Variants in GRAMD2B observed in about 807,000 individuals in gnomAD.
GRAMD2B encodes GRAM domain-containing protein 2B.
GRAMD2B carries 41 observed loss-of-function variants against 59.2 expected under a neutral mutation model. That is an observed-to-expected ratio of 0.69 (90% confidence interval 0.54 to 0.90). GRAMD2B has a LOEUF of 0.90. Among genes scored for constraint, GRAMD2B ranks in the 40% least tolerant of loss-of-function variants. The probability of loss-of-function intolerance (pLI) is 0.00; values close to 1 mark genes in which losing one functional copy is unlikely to be tolerated. For missense variants in GRAMD2B, 424 were observed against 500.5 expected (o/e 0.85, Z 1.46); for synonymous variants, 161 against 182.7 (o/e 0.88, Z 0.96).
chr5:126,488,844 G>A lies in GRAMD2B; in HGVS notation c.1209G>A (p.Val403=), dbSNP rs202089660. The change falls in exon 13 of 14, where the codon GTG becomes GTA. Residue 403 remains valine (V), a synonymous_variant. Transcript: ENST00000285689. Reference sequence around the variant, plus strand: ...TGAGGTCACAAGTACAATTCAATGTGGAGGTTCTCTGTCAAGAGCTTACAG... The same window carrying A: ...TGAGGTCACAAGTACAATTCAATGTAGAGGTTCTCTGTCAAGAGCTTACAG... The part of the protein sequence containing the change: ...SGLRSQVQFN[V]EVLCQELTAN... 1 of 1,613,804 alleles carries A rather than the reference G, an allele frequency of 6.2e-7. No individual in the cohort carries two copies. Among genetic ancestry groups the A allele is most frequent in the Non-Finnish European group, 8.5e-7 (1 of 1,179,800 alleles).
intron 1 of GRAMD2B, among the ~76,000 whole-genome samples, chr5:126,374,903 G>A (rs1048262280): frequency 1.3e-5 from 2 of 152,142 alleles, no homozygotes; most frequent in African/African-American, 4.8e-5. Context: ...GTTTCATTAC[G>A]TTGACCCTTT....
chr5:126,477,027 A>G (rs1770757065), intron 5 of GRAMD2B, among the ~76,000 whole-genome samples: 2 of 152,240 alleles, frequency 1.3e-5, no homozygotes, highest in Admixed American at 6.5e-5. Context: ...GCTTGGGACC[A>G]GAAGTGTTTT....
intron 1 of GRAMD2B, among the ~76,000 whole-genome samples, chr5:126,429,732 C>T (rs1761255048): frequency 6.6e-6 from 1 of 152,120 alleles, no homozygotes; most frequent in Admixed American, 6.5e-5. Flanking sequence ...CTTACAGTAG[C>T]CTGCAACAAT....
At chr5:126,381,761 T>C (rs544090281) in intron 1 of GRAMD2B, among the ~76,000 whole-genome samples, 2 of 152,292 alleles carry the variant, frequency 1.3e-5, no homozygotes, top group Admixed American at 1.3e-4. Flanking sequence ...TTGGGGTTTT[T>C]TTTCATTGTG....
intron 1 of GRAMD2B, among the ~76,000 whole-genome samples, chr5:126,383,651 G>C (rs1294988469): frequency 3.3e-5 from 5 of 152,118 alleles, no homozygotes; most frequent in Non-Finnish European, 5.9e-5. Context: ...GCAAAACTAT[G>C]CGAACAAATT....
At chr5:126,422,560 G>A (rs1759855067), upstream of GRAMD2B, among the ~76,000 whole-genome samples, 1 of 152,116 alleles carries the variant, frequency 6.6e-6, no homozygotes, top group Admixed American at 6.5e-5. Context: ...TTTATGTGTG[G>A]CCCAAGACAG....
intron 1 of GRAMD2B, among the ~76,000 whole-genome samples, chr5:126,435,050 T>C (rs1762188592): frequency 6.6e-6 from 1 of 152,202 alleles, no homozygotes; most frequent in Non-Finnish European, 1.5e-5. Context: ...TTTTATGTGC[T>C]ATATCTTCGC....
chr5:126,449,361 T>C (rs561918528), intron 1 of GRAMD2B, among the ~76,000 whole-genome samples: 1 of 152,336 alleles, frequency 6.6e-6, no homozygotes, highest in African/African-American at 2.4e-5. Flanking sequence ...TATTTTTACA[T>C]AATAACAATA....
intron 1 of GRAMD2B, among the ~76,000 whole-genome samples, chr5:126,361,489 TA>T (rs11300255): frequency 0.43 from 60,066 of 140,634 alleles, 12,950 homozygotes; most frequent in African/African-American, 0.55. Flanking sequence ...TCCGAAATGG[TA>T]AAAAAAAAAA....
At chr5:126,412,658 T>G (rs769064160) in intron 1 of GRAMD2B, among the ~76,000 whole-genome samples, 4 of 152,132 alleles carry the variant, frequency 2.6e-5, no homozygotes, top group Non-Finnish European at 5.9e-5. Context: ...TCTCCTCAAT[T>G]TTTTGGAATA....
At chr5:126,409,437 A>C (rs1393145764) in intron 1 of GRAMD2B, among the ~76,000 whole-genome samples, 5 of 152,192 alleles carry the variant, frequency 3.3e-5, no homozygotes, top group Admixed American at 6.5e-5. Flanking sequence ...TCTGATGGCC[A>C]GTGATGGTGA....
intron 1 of GRAMD2B, among the ~76,000 whole-genome samples, chr5:126,396,248 G>T (rs28872483): frequency 9.9e-5 from 15 of 151,974 alleles, no homozygotes; most frequent in Non-Finnish European, 1.9e-4. Context: ...TGACATGGGG[G>T]TTTGTTGTAC....
chr5:126,453,320 G>A (rs1765697208), intron 1 of GRAMD2B, among the ~76,000 whole-genome samples: 1 of 137,494 alleles, frequency 7.3e-6, no homozygotes, highest in Non-Finnish European at 1.5e-5. Context: ...GGGCAACAGA[G>A]CAAGACTCCA....
chr5:126,434,060 T>C (rs1213388973), intron 1 of GRAMD2B: 3 of 152,210 alleles, frequency 2.0e-5, no homozygotes, highest in Non-Finnish European at 4.4e-5. Context: ...TAAACCACTC[T>C]GGATTAGATC....
At chr5:126,395,963 T>C (rs1426008982) in intron 1 of GRAMD2B, among the ~76,000 whole-genome samples, 1 of 152,212 alleles carries the variant, frequency 6.6e-6, no homozygotes, top group Non-Finnish European at 1.5e-5. Context: ...GGGTGTGTGA[T>C]AAGAACACTT....
intron 1 of GRAMD2B, among the ~76,000 whole-genome samples, chr5:126,405,704 T>C (rs1293168882): frequency 6.6e-6 from 1 of 151,454 alleles, no homozygotes; most frequent in Non-Finnish European, 1.5e-5. Context: ...TTTTTTTCAA[T>C]CTAGAAATTT....
At chr5:126,424,563 C>A (rs116162573) in intron 1 of GRAMD2B, among the ~76,000 whole-genome samples, 252 of 152,330 alleles carry the variant, frequency 1.7e-3, no homozygotes, top group Admixed American at 3.0e-3. Flanking sequence ...TTTTGAACTT[C>A]ATAACTTACA....
In GRAMD2B at chr5:126,477,812, A is replaced by G. The variant is rs1239944155; in HGVS notation, c.582+25A>G. 4.9e-6 allele frequency: 7 copies of G among 1,434,906 alleles called. No individual in the cohort carries two copies. The South Asian group carries it at 5.7e-5, about 12-fold the overall frequency. 88.9% of individuals were successfully genotyped at this position (1,434,906 alleles called of 1,614,324 possible). A position where few individuals can be genotyped will look rare whatever the true frequency, so the allele number is the denominator to read the frequency against. On this transcript the variant is annotated intron_variant, in intron 6 of 13. Coordinates refer to ENST00000285689, the MANE Select transcript of GRAMD2B (RefSeq NM_023927.4). ...GGTGAGTATGCAGCCGAGCGAGGGC[A>G]TCTTTGCTTTGTCCTCCTGCTCTGG...
At chr5:126,362,924 G>A (rs1199020812) in intron 1 of GRAMD2B, among the ~76,000 whole-genome samples, 2 of 152,074 alleles carry the variant, frequency 1.3e-5, no homozygotes, top group Non-Finnish European at 2.9e-5. Flanking sequence ...TATTTCTTAG[G>A]CCCAACACCA....
Sources: allele counts gnomAD v4.1 joint callset (sites outside exome capture counted in the v4.1 genomes callset), GRCh38; gene constraint gnomAD v4.1.1; transcripts MANE v1.5; gene names NCBI Gene and HGNC (gene_info 2026-07-23, HGNC 2026-07-21).